The following MAGI1 variants were observed in gnomAD, a reference collection of about 807,000 sequenced individuals.
MAGI1 encodes membrane-associated guanylate kinase, WW and PDZ domain-containing protein 1.
A neutral mutation model predicts 139.9 loss-of-function variants in MAGI1; 58 were observed. The ratio of observed to expected loss-of-function variants is 0.41; its 90% CI spans 0.34 to 0.52. The LOEUF (loss-of-function observed/expected upper bound fraction) is 0.52, where lower values mean the gene tolerates loss of function less well. MAGI1 is among the 20% of genes least tolerant of loss of function. MAGI1 has a pLI of 0.12. For missense variants in MAGI1, 1,874 were observed against 1,901.6 expected (o/e 0.99, Z 0.27); for synonymous variants, 812 against 737.9 (o/e 1.10, Z -1.63).
intron 1 of MAGI1, among the ~76,000 whole-genome samples, chr3:65,850,382 GAA>G (rs758565877): frequency 2.0e-5 from 3 of 152,108 alleles, no homozygotes; most frequent in Admixed American, 6.5e-5. Flanking sequence ...TTTTAAAACT[GAA>G]AGTCTTGCAT....
intron 1 of MAGI1, among the ~76,000 whole-genome samples, chr3:65,742,603 C>A (rs900920149): frequency 6.6e-6 from 1 of 152,216 alleles, no homozygotes; most frequent in African/African-American, 2.4e-5. Context: ...GTGAATGTGT[C>A]TGTGCATTCC....
intron 2 of MAGI1, among the ~76,000 whole-genome samples, chr3:65,528,301 T>C (rs554970662): frequency 1.5e-4 from 23 of 152,360 alleles, no homozygotes; most frequent in South Asian, 6.2e-4. Flanking sequence ...TCTAAGCGTT[T>C]CTCAAAACTA....
chr3:65,644,491 G>A (rs2085153234), intron 1 of MAGI1, among the ~76,000 whole-genome samples: 1 of 151,534 alleles, frequency 6.6e-6, no homozygotes, highest in African/African-American at 2.4e-5. Context: ...AGCTCAGGAG[G>A]TTGAGGCTAC....
At chr3:65,946,088 T>A (rs1162539453) in intron 1 of MAGI1, among the ~76,000 whole-genome samples, 1 of 152,244 alleles carries the variant, frequency 6.6e-6, no homozygotes, top group South Asian at 2.1e-4. Flanking sequence ...GGCCTGGCCC[T>A]AGGGTCCGCC....
At chr3:65,799,346 G>A (rs572528049) in intron 1 of MAGI1, among the ~76,000 whole-genome samples, 9 of 152,090 alleles carry the variant, frequency 5.9e-5, no homozygotes, top group East Asian at 3.9e-4. Flanking sequence ...AGGAAGCACC[G>A]AGCCTATACA....
At chr3:65,667,706 G>C (rs2086614808) in intron 1 of MAGI1, among the ~76,000 whole-genome samples, 2 of 152,138 alleles carry the variant, frequency 1.3e-5, no homozygotes, top group African/African-American at 2.4e-5. Flanking sequence ...TGAGTAGCTA[G>C]GACTACACCA....
Position 65,842,809 on chromosome 3 carries a change from T to C in MAGI1, c.313+195187A>G, listed in dbSNP as rs192250488. Among the ~76,000 whole-genome samples, 50 of 152,368 alleles carry C rather than the reference T, an allele frequency of 3.3e-4. 2 individuals are homozygous for C. Among genetic ancestry groups the C allele is most frequent in the African/African-American group, 1.2e-3 (48 of 41,588 alleles). On this transcript the variant is annotated intron_variant, in intron 1 of 22. Coordinates refer to ENST00000402939, the MANE Select transcript of MAGI1 (RefSeq NM_001033057.2). ...GCGCTTCTCCTGGAAGGTGAAGTCA[T>C]GGTGACCTACTGCTCTTTATTCAGT... is the stretch of plus-strand genomic sequence containing the variant.
chr3:65,811,918 G>C (rs912778875), intron 1 of MAGI1, among the ~76,000 whole-genome samples: 1 of 111,476 alleles, frequency 9.0e-6, no homozygotes, highest in Non-Finnish European at 1.8e-5. Context: ...TAAATCTTTT[G>C]TATGTTTACG....
At chr3:65,380,665 C>T (rs1018691086) in intron 16 of MAGI1, 19 of 152,128 alleles carry the variant, frequency 1.2e-4, no homozygotes, top group African/African-American at 4.3e-4. Flanking sequence ...ACGCCTTTTA[C>T]ACAGAGCTAA....
chr3:65,958,986 CA>C (rs112469055), intron 1 of MAGI1, among the ~76,000 whole-genome samples: 235 of 130,174 alleles, frequency 1.8e-3, no homozygotes, highest in East Asian at 2.6e-3. Flanking sequence ...GACTGTAACT[CA>C]AAAAAAAAAA....
intron 18 of MAGI1, among the ~76,000 whole-genome samples, chr3:65,374,368 A>T (rs915008990): frequency 1.7e-5 from 2 of 120,550 alleles, no homozygotes; most frequent in Non-Finnish European, 3.2e-5. Context: ...CCCAGGCTGG[A>T]GTGCAGTGGC....
chr3:65,489,685 G>A (rs193268929), intron 3 of MAGI1, among the ~76,000 whole-genome samples: 223 of 152,248 alleles, frequency 1.5e-3, no homozygotes, highest in Non-Finnish European at 1.8e-3. Context: ...GCGGTAATGT[G>A]GAAAGATCTC....
chr3:65,848,208 TG>T lies in MAGI1; in HGVS notation c.313+189787del, dbSNP rs889494721. Among the ~76,000 whole-genome samples the T allele has an allele frequency of 3.6e-4, 55 of 152,324 alleles. 1 individual carries two copies. Among genetic ancestry groups the T allele is most frequent in the African/African-American group, 1.2e-3 (50 of 41,568 alleles). On this transcript the variant is annotated intron_variant, in intron 1 of 22. Coordinates refer to ENST00000402939, the MANE Select transcript of MAGI1 (RefSeq NM_001033057.2). Reference sequence around the variant, plus strand: ...TGGTTTACTGGAAGAATGGTGAACATGGGGAACTGCATGTTATCCTAAATGA... The same window carrying T: ...TGGTTTACTGGAAGAATGGTGAACATGGGAACTGCATGTTATCCTAAATGA...
At chr3:65,487,929 G>A (rs1951728595) in intron 3 of MAGI1, among the ~76,000 whole-genome samples, 1 of 152,192 alleles carries the variant, frequency 6.6e-6, no homozygotes, top group Non-Finnish European at 1.5e-5. Flanking sequence ...AAATTTAAAT[G>A]AGTTTATGTT....
chr3:65,742,227 C>T (rs2035334013), intron 1 of MAGI1, among the ~76,000 whole-genome samples: 1 of 152,142 alleles, frequency 6.6e-6, no homozygotes, highest in African/African-American at 2.4e-5. Context: ...TACTTTGGAG[C>T]ACTTTCAATG....
At chr3:65,603,714 G>T (rs1437234386) in intron 2 of MAGI1, among the ~76,000 whole-genome samples, 3 of 152,198 alleles carry the variant, frequency 2.0e-5, no homozygotes, top group Non-Finnish European at 2.9e-5. Flanking sequence ...ACCTGAGACA[G>T]TCGTTTATAA....
intron 1 of MAGI1, among the ~76,000 whole-genome samples, chr3:65,631,260 A>C (rs545349729): frequency 6.6e-6 from 1 of 152,348 alleles, no homozygotes; most frequent in African/African-American, 2.4e-5. Flanking sequence ...GTTTGTGCTT[A>C]ACTGGTAATG....
At chr3:65,828,899 C>T (rs2042371059) in intron 1 of MAGI1, among the ~76,000 whole-genome samples, 1 of 152,182 alleles carries the variant, frequency 6.6e-6, no homozygotes, top group African/African-American at 2.4e-5. Flanking sequence ...AAAGCAGAGG[C>T]AGAGGGCCAT....
At chr3:65,591,077 A>G (rs888530364) in intron 2 of MAGI1, among the ~76,000 whole-genome samples, 1 of 152,130 alleles carries the variant, frequency 6.6e-6, no homozygotes, top group Non-Finnish European at 1.5e-5. Flanking sequence ...TCCTTTCATC[A>G]CCGTTTCCAT....
Sources: gnomAD v4.1 joint callset for allele counts (sites outside exome capture counted in the v4.1 genomes callset) on GRCh38, gnomAD v4.1.1 for gene constraint, MANE v1.5 for transcripts, NCBI Gene and HGNC (gene_info 2026-07-23, HGNC 2026-07-21) for gene names.